IAH1: variants seen among roughly 807,000 people sequenced by gnomAD.
IAH1 encodes isoamyl acetate hydrolyzing esterase 1 (putative), also known as isoamyl acetate-hydrolyzing esterase 1 homolog.
IAH1 carries 24 observed loss-of-function variants against 26.7 expected under a neutral mutation model. That is an observed-to-expected ratio of 0.90 (90% CI 0.65 to 1.26). The LOEUF (loss-of-function observed/expected upper bound fraction) is 1.26, where lower values mean the gene tolerates loss of function less well. Among genes scored for constraint, IAH1 ranks in the 50% most tolerant of loss-of-function variants. The pLI is 0.00. For synonymous variants in IAH1, 140 were observed against 118.5 expected, an observed-to-expected ratio of 1.18 and a Z score of -1.18; for missense variants, 300 against 299.9, an observed-to-expected ratio of 1.00 and a Z score of 0.00.
intron 5 of IAH1, chr2:9,485,720 G>A (rs1446870473): frequency 6.6e-6 from 1 of 152,220 alleles, no homozygotes; most frequent in African/African-American, 2.4e-5. Flanking sequence ...GGCAAGGAAA[G>A]GTATGGCTAA....
the IAH1 span, chr2:9,502,177 G>A: frequency 3.7e-5 from 60 of 1,613,450 alleles, no homozygotes; most frequent in Middle Eastern, 1.6e-4. Context: ...ACGAACCTGT[G>A]CAGTAGGACA....
chr2:9,483,783 A>G lies in IAH1; in HGVS notation c.446-649A>G, dbSNP rs562842581. Among the ~76,000 whole-genome samples, 16 of 152,034 alleles carry G rather than the reference A, an allele frequency of 1.1e-4. No individual in the cohort carries two copies. The East Asian group carries it at 2.5e-3, about 24-fold the overall frequency. ...CCTGCACTTGTGTTAGATACACTCA[A>G]TCGTTCTGTGCTAGCTGCTTTGCTG... On this transcript the variant is annotated intron_variant, in intron 4 of 5. Transcript: ENST00000497473.
rs572817126 is a variant in IAH1 at position 9,474,570 on chromosome 2, G to A, written c.4G>A (p.Ala2Thr). The A allele has an allele frequency of 3.6e-5, 54 of 1,485,768 alleles. 1 individual carries two copies. The highest frequency in any genetic ancestry group is 2.1e-4 in the Middle Eastern group (1 of 4,758). 92.0% of individuals were successfully genotyped at this position (1,485,768 alleles called of 1,614,324 possible). M[A>T]LCEAAGCGSA... The stretch of plus-strand genomic sequence containing the variant: ...CCCCGCCCCGCCCGGCTGCTCCATG[G>A]CGCTGTGCGAGGCCGCGGGCTGCGG... Residue 2 changes from alanine to threonine, a missense_variant, in exon 1 of 6, where the codon GCG (alanine) becomes ACG (threonine). Transcript: ENST00000497473. The surrounding 1 kb of genome is among the most constrained non-coding windows in gnomAD (Gnocchi z 4.3).
intron 5 of IAH1, chr2:9,486,893 A>G (rs868196857): frequency 6.6e-5 from 10 of 151,666 alleles, no homozygotes; most frequent in African/African-American, 1.7e-4. Context: ...GCTCTTGGCT[A>G]GTGAGATTCT....
chr2:9,493,087 C>T, downstream of IAH1: 1 of 948,788 alleles, frequency 1.1e-6, no homozygotes, highest in Non-Finnish European at 1.6e-6. Flanking sequence ...GCCAGAGCTG[C>T]TGGCTAGACA....
chr2:9,478,446 T>A, intron 3 of IAH1, 76 bp downstream of exon 3: 2 of 1,349,980 alleles, frequency 1.5e-6, no homozygotes, highest in South Asian at 2.9e-5. Flanking sequence ...TTTAATATAC[T>A]TTTTTCAACT....
intron 1 of IAH1, chr2:9,475,115 T>C: frequency 7.9e-7 from 1 of 1,271,090 alleles, no homozygotes; most frequent in Non-Finnish European, 1.0e-6. Flanking sequence ...CGTTAGGGGT[T>C]GACCTTGGAA....
At chr2:9,497,294 C>T, downstream of IAH1, 1 of 1,609,330 alleles carries the variant, frequency 6.2e-7, no homozygotes. Flanking sequence ...GTCACAGGTC[C>T]ACCAGTTCTA....
At position 9,474,620 on chromosome 2, in the gene IAH1, G is replaced by A. The variant is rs1682366417; in HGVS notation, c.54G>A (p.Leu18=). The A allele has an allele frequency of 6.4e-7, 1 of 1,554,242 alleles. No homozygotes were observed. Among genetic ancestry groups the A allele is most frequent in the Admixed American group, 1.9e-5 (1 of 53,500 alleles). ...GCGSALLWPR[L]LLFGDSITQF... Reference sequence around the variant, plus strand: ...GGAGTGCCCTGCTCTGGCCTCGCTTGTTGCTCTTCGGGGACTCCATCACCC... The same window carrying A: ...GGAGTGCCCTGCTCTGGCCTCGCTTATTGCTCTTCGGGGACTCCATCACCC... Residue 18 remains leucine (L), a synonymous_variant, in exon 1 of 6, where the codon TTG becomes TTA. Transcript: ENST00000497473. This position sits in a 1 kb window ranked among gnomAD's most constrained non-coding sequence, Gnocchi z 4.3.
chr2:9,488,030 A>T, intron 5 of IAH1, 117 bp from the exon 6 acceptor site: 1 of 675,614 alleles, frequency 1.5e-6, no homozygotes, highest in Non-Finnish European at 2.4e-6. Flanking sequence ...TTTTGTAGAG[A>T]CAGGGTCTCA....
At chr2:9,509,922 G>A in the IAH1 span, 1 of 1,590,280 alleles carries the variant, frequency 6.3e-7, no homozygotes, top group Admixed American at 1.7e-5. Context: ...CTCTCATTAT[G>A]ATCATTATAC....
chr2:9,489,824 C>A (rs551456834), downstream of IAH1: 4 of 138,950 alleles, frequency 2.9e-5, no homozygotes, highest in African/African-American at 5.8e-5. Flanking sequence ...TAAAAAAAAA[C>A]TGATCATTTC....
chr2:9,490,661 A>C, downstream of IAH1: 1 of 835,530 alleles, frequency 1.2e-6, no homozygotes, highest in Non-Finnish European at 1.8e-6. Flanking sequence ...GGCTCACTCA[A>C]CCTAAGTGAC....
chr2:9,490,126 A>G (rs1424089778), downstream of IAH1: 1 of 1,483,608 alleles, frequency 6.7e-7, no homozygotes. Context: ...TTTGTAGGTC[A>G]AATCTATAAA....
chr2:9,490,429 A>G (rs200268337), downstream of IAH1: 5 of 1,614,204 alleles, frequency 3.1e-6, no homozygotes, highest in Non-Finnish European at 4.2e-6. Flanking sequence ...TCACAGGGGC[A>G]GGCTGCAGGC....
At chr2:9,493,153 T>C (rs1047006383), downstream of IAH1, among the ~76,000 whole-genome samples, 1 of 152,142 alleles carries the variant, frequency 6.6e-6, no homozygotes, top group Non-Finnish European at 1.5e-5. Context: ...CATCTCTCCA[T>C]ACCAAGTGCT....
intron 5 of IAH1, 25 bp downstream of exon 5, chr2:9,484,575 C>A: frequency 1.3e-6 from 2 of 1,486,510 alleles, no homozygotes; most frequent in Non-Finnish European, 1.9e-6. Flanking sequence ...TCGGTCCTCT[C>A]GGGGTAAATA....
At chr2:9,487,817 TGTGTGTGTGTGTGTGTGCGCGC>T (rs1406939180) in intron 5 of IAH1, among the ~76,000 whole-genome samples, 109 of 95,022 alleles carry the variant, frequency 1.1e-3, no homozygotes, top group Middle Eastern at 0.013. Context: ...TGTGTGTGTG[TGTGTGTGTGTGTGTGTGCGCGC>T]GCGCGCGCGC....
chr2:9,474,542 C>CCGCCA, upstream of IAH1: 3 of 1,398,620 alleles, frequency 2.1e-6, no homozygotes, highest in Non-Finnish European at 2.8e-6. The surrounding 1 kb of genome is among the most constrained non-coding windows in gnomAD (Gnocchi z 4.3). Flanking sequence ...GCTGGCGGCC[C>CCGCCA]CGCCCCGCCC....
Sources: gnomAD v4.1 joint callset for allele counts (sites outside exome capture counted in the v4.1 genomes callset) on GRCh38, gnomAD v4.1.1 for gene constraint, Gnocchi (gnomAD v3.1) non-coding constraint, MANE v1.5 for transcripts, NCBI Gene and HGNC (gene_info 2026-07-23, HGNC 2026-07-21) for gene names.